The following PATJ variants were observed in gnomAD, a reference collection of about 807,000 sequenced individuals.
The protein encoded by PATJ is inaD-like protein.
In PATJ, 190 loss-of-function variants were observed where a neutral mutation model predicts 224.9. The observed-to-expected ratio is 0.84, with a 90% CI of 0.75 to 0.95. The LOEUF (loss-of-function observed/expected upper bound fraction) is 0.95, where lower values mean the gene tolerates loss of function less well. Among genes scored for constraint, PATJ ranks in the 40% least tolerant of loss-of-function variants. The probability of loss-of-function intolerance (pLI) is 0.00; values close to 1 mark genes in which losing one functional copy is unlikely to be tolerated. For synonymous variants in PATJ, 769 were observed against 820.3 expected (o/e 0.94, Z 1.07); for missense variants, 2,121 against 2,270.3 (o/e 0.93, Z 1.34).
chr1:61,755,509 A>G (rs1645590473), intron 1 of PATJ, among the ~76,000 whole-genome samples: 1 of 152,138 alleles, frequency 6.6e-6, no homozygotes, highest in African/African-American at 2.4e-5. Flanking sequence ...AAGTTTGAAG[A>G]CCACTAATCT....
chr1:62,077,173 T>C (rs1658437840), intron 31 of PATJ, among the ~76,000 whole-genome samples: 1 of 152,204 alleles, frequency 6.6e-6, no homozygotes, highest in Admixed American at 6.5e-5. Flanking sequence ...CTAAAAATTG[T>C]ACATTCACTT....
At chr1:61,869,699 C>T (rs1051408634) in intron 20 of PATJ, among the ~76,000 whole-genome samples, 1 of 152,232 alleles carries the variant, frequency 6.6e-6, no homozygotes, top group Non-Finnish European at 1.5e-5. Context: ...GCCCACTGCT[C>T]TCCTCGAGGG....
intron 27 of PATJ, among the ~76,000 whole-genome samples, chr1:61,981,505 T>G (rs558963916): frequency 2.6e-5 from 4 of 152,056 alleles, no homozygotes; most frequent in East Asian, 1.9e-4. Flanking sequence ...CAAATTTGTT[T>G]ATCCAAAATT....
intron 39 of PATJ, among the ~76,000 whole-genome samples, chr1:62,125,844 A>G (rs990053522): frequency 6.6e-6 from 1 of 152,024 alleles, no homozygotes; most frequent in African/African-American, 2.4e-5. Context: ...ATCTCGGCTC[A>G]CTGAAACCTC....
intron 7 of PATJ, among the ~76,000 whole-genome samples, chr1:61,777,842 G>A (rs1307826898): frequency 6.7e-6 from 1 of 150,354 alleles, no homozygotes; most frequent in African/African-American, 2.4e-5. Flanking sequence ...CGAGTAGTTG[G>A]TACTACAGGC....
At chr1:62,133,069 T>C (rs78353931) in intron 41 of PATJ, among the ~76,000 whole-genome samples, 3,888 of 152,236 alleles carry the variant, frequency 0.026, 74 homozygotes, top group Middle Eastern at 0.058. Flanking sequence ...TGGAAGAGTT[T>C]GGCGAGCTAA....
At position 61,968,763 on chromosome 1, in the gene PATJ, A is replaced by G. The variant is rs902648360; in HGVS notation, c.3671-21405A>G. Among the ~76,000 whole-genome samples the G allele has an allele frequency of 6.6e-5, 10 of 152,144 alleles. No homozygotes were observed. In the Middle Eastern group the frequency reaches 0.01, roughly 155 times the overall value. On this transcript the variant is annotated intron_variant, in intron 27 of 43. Coordinates refer to ENST00000642238, the MANE Select transcript of PATJ (RefSeq NM_001350145.3). ...TGTGATGTTCCCCACCCTGTGTCCA[A>G]GTGTTCTCATTGTTCAATTCCCACC...
intron 33 of PATJ, among the ~76,000 whole-genome samples, chr1:62,089,314 A>G (rs1297625973): frequency 6.6e-6 from 1 of 151,858 alleles, no homozygotes; most frequent in Non-Finnish European, 1.5e-5. Context: ...ATTGAATTCC[A>G]TCACTTCCTG....
At chr1:61,859,229 C>T (rs1489101687) in intron 18 of PATJ, among the ~76,000 whole-genome samples, 1 of 152,114 alleles carries the variant, frequency 6.6e-6, no homozygotes, top group Non-Finnish European at 1.5e-5. Flanking sequence ...TTGGTAGCAA[C>T]TGGGTGTGGA....
chr1:61,871,557 ATTTTTTTT>A lies in PATJ; in HGVS notation c.2836-3670_2836-3663del, dbSNP rs71582650. 1.0e-2 allele frequency among the ~76,000 whole-genome samples: 549 copies of A among 55,004 alleles called. 4 individuals carry two copies. The highest frequency in any genetic ancestry group is 0.029 in the African/African-American group (405 of 13,806). 36.1% of individuals were successfully genotyped at this position (55,004 alleles called of 152,430 possible). ...TGTGTGTGTATATATATATATATAT[ATTTTTTTT>A]TTTTTTTTTTTTTTTGAGATGGAAT... On this transcript the variant is annotated intron_variant, in intron 20 of 43. Transcript: ENST00000642238.
chr1:61,955,046 C>A (rs1217768632), intron 27 of PATJ, among the ~76,000 whole-genome samples: 1 of 152,206 alleles, frequency 6.6e-6, no homozygotes, highest in Non-Finnish European at 1.5e-5. Context: ...AGCCACTGTG[C>A]CTGGCTGGTA....
intron 41 of PATJ, among the ~76,000 whole-genome samples, chr1:62,145,981 A>C (rs1417772723): frequency 1.3e-5 from 2 of 152,056 alleles, no homozygotes; most frequent in Non-Finnish European, 2.9e-5. Flanking sequence ...CAAATAAATA[A>C]ATGAAAGAAA....
At chr1:61,803,206 T>A (rs1206301390) in intron 12 of PATJ, among the ~76,000 whole-genome samples, 1 of 152,172 alleles carries the variant, frequency 6.6e-6, no homozygotes, top group Non-Finnish European at 1.5e-5. Context: ...GGGATAACAA[T>A]ACTCCTCTAT....
intron 14 of PATJ, among the ~76,000 whole-genome samples, chr1:61,822,038 T>G (rs910604279): frequency 6.6e-6 from 1 of 152,224 alleles, no homozygotes; most frequent in African/African-American, 2.4e-5. Context: ...GGAAATGTTT[T>G]CACTTAAGTT....
chr1:62,132,668 C>T (rs1434476604), intron 41 of PATJ, among the ~76,000 whole-genome samples: 2 of 151,940 alleles, frequency 1.3e-5, no homozygotes, highest in Non-Finnish European at 2.9e-5. Flanking sequence ...TTTGGGAGGT[C>T]GAGGCTGGCA....
intron 20 of PATJ, among the ~76,000 whole-genome samples, chr1:61,871,406 TATATATAC>T (rs1666397804): frequency 7.9e-6 from 1 of 126,584 alleles, no homozygotes; most frequent in Non-Finnish European, 1.7e-5. Flanking sequence ...TATATGTGTA[TATATATAC>T]ATATATATGT....
chr1:61,993,047 A>G (rs145460080), intron 28 of PATJ, among the ~76,000 whole-genome samples: 1 of 152,176 alleles, frequency 6.6e-6, no homozygotes, highest in African/African-American at 2.4e-5. Context: ...AGACAGCGTC[A>G]GTCCCACAAG....
chr1:62,099,411 T>C (rs1286685244), intron 33 of PATJ, among the ~76,000 whole-genome samples: 1 of 147,132 alleles, frequency 6.8e-6, no homozygotes, highest in Non-Finnish European at 1.5e-5. Context: ...AGGAGGGACT[T>C]TTCCCCTAAT....
At chr1:61,950,074 C>A (rs764611678) in intron 27 of PATJ, among the ~76,000 whole-genome samples, 3 of 151,908 alleles carry the variant, frequency 2.0e-5, no homozygotes, top group Non-Finnish European at 2.9e-5. Context: ...TGTGGTGGCA[C>A]GTGCCTGTAA....
Sources: allele counts gnomAD v4.1 joint callset (sites outside exome capture counted in the v4.1 genomes callset), GRCh38; gene constraint gnomAD v4.1.1; transcripts MANE v1.5; gene names NCBI Gene and HGNC (gene_info 2026-07-23, HGNC 2026-07-21).